The following MGST1 variants were observed in gnomAD, a reference collection of about 807,000 sequenced individuals.
MGST1 encodes the protein glutathione S-transferase 12.
Under a neutral mutation model 8.9 loss-of-function variants are expected in MGST1, and 5 were observed. The observed-to-expected ratio is 0.56, with a 90% CI of 0.29 to 1.19. The LOEUF is 1.19. MGST1 is among the 50% of genes most tolerant of loss of function. The pLI is 0.08. For missense variants in MGST1, 182 were observed against 187.4 expected, an observed-to-expected ratio of 0.97 and a Z score of 0.17; for synonymous variants, 54 against 67.8, an observed-to-expected ratio of 0.80 and a Z score of 1.00.
chr12:16,423,426 A>G (rs1940858701), intron 1 of MGST1, among the ~76,000 whole-genome samples: 1 of 151,836 alleles, frequency 6.6e-6, no homozygotes, highest in Non-Finnish European at 1.5e-5. Context: ...TCCCTAACCT[A>G]TGTACAAAAA....
intron 4 of MGST1, among the ~76,000 whole-genome samples, chr12:16,539,029 A>C (rs1941776509): frequency 6.6e-6 from 1 of 152,140 alleles, no homozygotes; most frequent in South Asian, 2.1e-4. Context: ...GTATGGGGGA[A>C]ACCACCCCCA....
intron 1 of MGST1, among the ~76,000 whole-genome samples, chr12:16,395,804 T>TACACAC (rs61693803): frequency 8.1e-6 from 1 of 123,696 alleles, no homozygotes; most frequent in Non-Finnish European, 1.6e-5. Flanking sequence ...TATATATATA[T>TACACAC]ACACACACAC....
At chr12:16,428,470 A>G (rs905034034) in intron 1 of MGST1, among the ~76,000 whole-genome samples, 1 of 150,062 alleles carries the variant, frequency 6.7e-6, no homozygotes, top group African/African-American at 2.4e-5. Context: ...GAACATTTCT[A>G]TTGTTTTTTT....
At chr12:16,351,342 T>G (rs1290681768) in intron 1 of MGST1, among the ~76,000 whole-genome samples, 1 of 152,072 alleles carries the variant, frequency 6.6e-6, no homozygotes, top group Non-Finnish European at 1.5e-5. Flanking sequence ...GCAGACACAT[T>G]AAATGTTACC....
chr12:16,400,544 G>C (rs1377918087), intron 1 of MGST1: 4 of 872,064 alleles, frequency 4.6e-6, no homozygotes, highest in Non-Finnish European at 7.9e-6. Flanking sequence ...TAACGTTTCT[G>C]TACTTCTTTA....
rs1474553904 is a variant in MGST1, at chr12:16,520,727, A to G, written n.483-68801A>G. Among the ~76,000 whole-genome samples, 4 of 152,280 alleles carry G rather than the reference A, an allele frequency of 2.6e-5. No individual in the cohort carries two copies. In the East Asian group the frequency reaches 7.7e-4, roughly 29 times the overall value. ...CCAGCAAATCTTAAAATAAATTTGC[A>G]TTCTATCTTCTGATCCAAATAGCAC... On this transcript the variant is annotated intron_variant and non_coding_transcript_variant, in intron 4 of 4. Coordinates refer to the MGST1 transcript ENST00000538857.
At chr12:16,529,313 C>T (rs1416387521) in intron 4 of MGST1, among the ~76,000 whole-genome samples, 1 of 151,948 alleles carries the variant, frequency 6.6e-6, no homozygotes, top group Non-Finnish European at 1.5e-5. Context: ...ATTCATTATC[C>T]ACCCAATGAT....
intron 1 of MGST1, among the ~76,000 whole-genome samples, chr12:16,388,495 AC>A (rs1940524116): frequency 6.6e-6 from 1 of 152,120 alleles, no homozygotes; most frequent in South Asian, 2.1e-4. Context: ...GCCAGTTGTT[AC>A]CAGTAGGATT....
intron 4 of MGST1, among the ~76,000 whole-genome samples, chr12:16,455,973 C>G (rs1941168549): frequency 6.6e-6 from 1 of 151,686 alleles, no homozygotes; most frequent in Non-Finnish European, 1.5e-5. Flanking sequence ...CTATTAAATG[C>G]AAAAATATTT....
At chr12:16,520,585 TG>T (rs1941642211) in intron 4 of MGST1, among the ~76,000 whole-genome samples, 1 of 151,972 alleles carries the variant, frequency 6.6e-6, no homozygotes, top group Non-Finnish European at 1.5e-5. Flanking sequence ...GTACGTGGTG[TG>T]GGAAACAATA....
intron 4 of MGST1, among the ~76,000 whole-genome samples, chr12:16,446,133 A>G (rs1565456299): frequency 6.6e-6 from 1 of 151,850 alleles, no homozygotes. Flanking sequence ...GGGTGACTCC[A>G]CTCTAACTTT....
chr12:16,579,694 C>T (rs1465645728), intron 4 of MGST1, among the ~76,000 whole-genome samples: 1 of 152,184 alleles, frequency 6.6e-6, no homozygotes, highest in Non-Finnish European at 1.5e-5. Context: ...GCCTACTAGG[C>T]ACTCAGTAAG....
chr12:16,584,215 TTAG>T lies in MGST1; in HGVS notation n.483-5308_483-5306del, dbSNP rs376715691. Among the ~76,000 whole-genome samples the T allele has an allele frequency of 1.8e-4, 28 of 152,204 alleles. No individual in the cohort carries two copies. The South Asian group carries it at 5.8e-3, about 32-fold the overall frequency. On this transcript the variant is annotated intron_variant and non_coding_transcript_variant, in intron 4 of 4. Transcript: ENST00000538857. This position sits in a 1 kb window ranked among gnomAD's most constrained non-coding sequence, Gnocchi z 5.2. ...CGAGTTTTGTTGGAGGATGCATTTT[TTAG>T]TAGTGAGTGGGGAGAGTTATGTGTA...
chr12:16,453,307 G>A (rs1941144586), intron 4 of MGST1, among the ~76,000 whole-genome samples: 1 of 151,842 alleles, frequency 6.6e-6, no homozygotes, highest in African/African-American at 2.4e-5. Context: ...AAATTCTGAA[G>A]CTTTTCCTTA....
intron 1 of MGST1, among the ~76,000 whole-genome samples, chr12:16,429,845 G>A (rs942744328): frequency 6.6e-6 from 1 of 152,088 alleles, no homozygotes; most frequent in African/African-American, 2.4e-5. Context: ...AGTTGGGGTG[G>A]CTGTGGCAAT....
At chr12:16,590,268 G>T (rs1943449123), downstream of MGST1, among the ~76,000 whole-genome samples, 1 of 151,986 alleles carries the variant, frequency 6.6e-6, no homozygotes, top group African/African-American at 2.4e-5. Context: ...AGGTTAGTGG[G>T]TTAGGTTAGT....
intron 1 of MGST1, chr12:16,400,415 C>A (rs1940644237): frequency 1.2e-6 from 1 of 815,654 alleles, no homozygotes; most frequent in Admixed American, 1.7e-5. Flanking sequence ...CTCTTTTGGG[C>A]AATATTTGGG....
downstream of MGST1, among the ~76,000 whole-genome samples, chr12:16,381,940 G>A (rs1456410160): frequency 2.0e-5 from 3 of 152,170 alleles, no homozygotes; most frequent in African/African-American, 7.2e-5. Context: ...AGCTACTGAG[G>A]CTTCTGCATT....
chr12:16,452,088 A>T (rs1231052894), intron 4 of MGST1, among the ~76,000 whole-genome samples: 2 of 151,878 alleles, frequency 1.3e-5, no homozygotes, highest in Admixed American at 6.6e-5. Context: ...AACCCTAAGC[A>T]GTATTATATT....
Sources: gnomAD v4.1 joint callset for allele counts (sites outside exome capture counted in the v4.1 genomes callset) on GRCh38, gnomAD v4.1.1 for gene constraint, Gnocchi (gnomAD v3.1) non-coding constraint, MANE v1.5 for transcripts, NCBI Gene and HGNC (gene_info 2026-07-23, HGNC 2026-07-21) for gene names.